Variants in ELK3 observed in about 807,000 individuals in gnomAD.
The protein encoded by ELK3 is ETS transcription factor ELK3, also known as ETS domain-containing protein Elk-3.
Under a neutral mutation model 28.9 loss-of-function variants are expected in ELK3, and 10 were observed. The ratio of observed to expected loss-of-function variants is 0.35; its 90% CI spans 0.21 to 0.59. The LOEUF (loss-of-function observed/expected upper bound fraction) is 0.59. Among genes scored for constraint, ELK3 ranks in the 20% least tolerant of loss-of-function variants. The probability of loss-of-function intolerance (pLI) is 0.82; values close to 1 mark genes in which losing one functional copy is unlikely to be tolerated. For missense variants in ELK3, 463 were observed against 517.3 expected (o/e 0.90, Z 1.02); for synonymous variants, 272 against 243.5 (o/e 1.12, Z -1.09).
chr12:96,238,755 CG>C (rs1951800303), intron 2 of ELK3, among the ~76,000 whole-genome samples: 1 of 152,156 alleles, frequency 6.6e-6, no homozygotes, highest in African/African-American at 2.4e-5. Flanking sequence ...ATGGACCTTA[CG>C]GAAGATTGGT....
chr12:96,211,617 T>A (rs1951580429), intron 1 of ELK3, among the ~76,000 whole-genome samples: 1 of 152,128 alleles, frequency 6.6e-6, no homozygotes, highest in Non-Finnish European at 1.5e-5. Flanking sequence ...AATAATTTCT[T>A]ACAGTTCAAC....
At chr12:96,238,901 C>T (rs148936373) in intron 2 of ELK3, among the ~76,000 whole-genome samples, 5 of 152,276 alleles carry the variant, frequency 3.3e-5, no homozygotes, top group Non-Finnish European at 5.9e-5. Flanking sequence ...TTGGCCCTGT[C>T]GGATTTACTT....
intron 1 of ELK3, among the ~76,000 whole-genome samples, chr12:96,205,842 A>G (rs1351791920): frequency 6.6e-6 from 1 of 152,258 alleles, no homozygotes; most frequent in Non-Finnish European, 1.5e-5. Flanking sequence ...CAGAAGAGCC[A>G]GTCAGCCACT....
chr12:96,220,836 A>G (rs1260192602), intron 1 of ELK3, among the ~76,000 whole-genome samples: 1 of 152,148 alleles, frequency 6.6e-6, no homozygotes, highest in East Asian at 1.9e-4. Flanking sequence ...TTGCCCCAAG[A>G]TCACTGGCTT....
intron 1 of ELK3, among the ~76,000 whole-genome samples, chr12:96,205,907 C>T (rs764501362): frequency 4.6e-5 from 7 of 152,190 alleles, no homozygotes; most frequent in Admixed American, 1.3e-4. Context: ...CATTAATTCT[C>T]GATGCTGGAT....
chr12:96,248,638 G>C (rs1284099641), intron 3 of ELK3, among the ~76,000 whole-genome samples: 2 of 152,180 alleles, frequency 1.3e-5, no homozygotes, highest in Non-Finnish European at 2.9e-5. Flanking sequence ...GACAGGCTTT[G>C]TGAGCTGGGG....
At chr12:96,231,620 G>A (rs1448507719) in intron 2 of ELK3, among the ~76,000 whole-genome samples, 2 of 152,184 alleles carry the variant, frequency 1.3e-5, no homozygotes, top group Admixed American at 6.5e-5. Context: ...AGCCTCCCGA[G>A]TAGCTGGGAT....
intron 2 of ELK3, among the ~76,000 whole-genome samples, chr12:96,230,566 G>A (rs1055178220): frequency 1.3e-5 from 2 of 152,158 alleles, no homozygotes; most frequent in Non-Finnish European, 2.9e-5. Flanking sequence ...AAGACACATC[G>A]CTGAGCCAAG....
In ELK3 at chr12:96,268,680, A is replaced by G. The variant is rs1202207899; in HGVS notation, c.*1500A>G. On this transcript the variant is annotated 3_prime_UTR_variant, in exon 5 of 5. Coordinates refer to ENST00000228741, the MANE Select transcript of ELK3 (RefSeq NM_005230.4). ...AATAACTGATCCAAACTGGGCATTA[A>G]GTGGCAGGATTATGAGAAAGGATAA... is the stretch of plus-strand genomic sequence containing the variant. 6.6e-6 allele frequency: 1 copy of G among 152,232 alleles called. No individual in the cohort carries two copies. The highest frequency in any genetic ancestry group is 2.4e-5 in the African/African-American group (1 of 41,462). The allele number at this position is 152,232 out of a possible 1,614,324, so 9.4% of individuals were successfully genotyped here.
At chr12:96,264,687 A>G (rs1952016970) in intron 4 of ELK3, among the ~76,000 whole-genome samples, 1 of 152,176 alleles carries the variant, frequency 6.6e-6, no homozygotes, top group Admixed American at 6.5e-5. Flanking sequence ...AGGGAGGCTG[A>G]GGTGGCAGCA....
In ELK3 at chr12:96,269,456, A is replaced by G. The variant is rs1188596051; in HGVS notation, c.*2276A>G. On this transcript the variant is annotated 3_prime_UTR_variant, in exon 5 of 5. Transcript: ENST00000228741. ...ATTAATGTATGCTCTAGATCCATTTATTAGAAATGCAAAAATACTACAATT... is the reference window on the plus strand; with the variant it reads ...ATTAATGTATGCTCTAGATCCATTTGTTAGAAATGCAAAAATACTACAATT... The G allele has an allele frequency of 2.0e-5, 3 of 152,190 alleles. No individual in the cohort carries two copies. The highest frequency in any genetic ancestry group is 2.9e-5 in the Non-Finnish European group (2 of 68,032). The allele number at this position is 152,190 out of a possible 1,614,324, so 9.4% of individuals were successfully genotyped here.
intron 2 of ELK3, among the ~76,000 whole-genome samples, chr12:96,244,287 C>T (rs947893948): frequency 3.3e-5 from 5 of 152,090 alleles, no homozygotes; most frequent in South Asian, 4.1e-4. Flanking sequence ...CACAGCAAGG[C>T]CATATGATCT....
At chr12:96,251,669 T>C (rs889017488) in intron 3 of ELK3, among the ~76,000 whole-genome samples, 23 of 152,218 alleles carry the variant, frequency 1.5e-4, no homozygotes, top group African/African-American at 5.1e-4. Context: ...GAGAAAGTTT[T>C]AGTGGTCTGG....
In ELK3 at chr12:96,195,712, G is replaced by A. The variant is rs573162180; in HGVS notation, c.-3+1007G>A. On this transcript the variant is annotated intron_variant, in intron 1 of 4. Coordinates refer to ENST00000228741, the MANE Select transcript of ELK3 (RefSeq NM_005230.4). ...TTTCTGGCTTGTCTGGAAACGGCAAGACTAATTGCCATGCGCTTCCGCTTT... is the reference window on the plus strand; with the variant it reads ...TTTCTGGCTTGTCTGGAAACGGCAAAACTAATTGCCATGCGCTTCCGCTTT... Among the ~76,000 whole-genome samples, 23 of 152,280 alleles carry A rather than the reference G, an allele frequency of 1.5e-4. No homozygotes were observed. The South Asian group carries it at 4.8e-3, about 32-fold the overall frequency.
At chr12:96,267,001 G>C in intron 4 of ELK3, 81 bp from the exon 5 acceptor site, 1 of 1,173,128 alleles carries the variant, frequency 8.5e-7, no homozygotes, top group South Asian at 1.5e-5. Context: ...GACTGCTATG[G>C]ACTGTATGGG....
intron 2 of ELK3, among the ~76,000 whole-genome samples, chr12:96,235,512 C>G (rs562098640): frequency 6.6e-6 from 1 of 152,276 alleles, no homozygotes; most frequent in African/African-American, 2.4e-5. Context: ...CTCCATGGCA[C>G]AGAAGGGAGT....
chr12:96,210,595 A>ACCCCCC (rs112788515), intron 1 of ELK3, among the ~76,000 whole-genome samples: 2 of 150,208 alleles, frequency 1.3e-5, no homozygotes, highest in African/African-American at 4.9e-5. Context: ...ACACACACAC[A>ACCCCCC]CACCCCGAGT....
intron 1 of ELK3, among the ~76,000 whole-genome samples, chr12:96,209,659 T>C (rs1169024928): frequency 2.0e-5 from 3 of 152,244 alleles, no homozygotes; most frequent in Non-Finnish European, 4.4e-5. Context: ...TTTTCTTACA[T>C]TGACAACCAT....
intron 2 of ELK3, among the ~76,000 whole-genome samples, chr12:96,237,470 C>T (rs529598406): frequency 6.6e-6 from 1 of 152,198 alleles, no homozygotes; most frequent in Non-Finnish European, 1.5e-5. Context: ...CTCACTGTCC[C>T]CTCTGCTTCA....
Sources: allele counts gnomAD v4.1 joint callset (sites outside exome capture counted in the v4.1 genomes callset), GRCh38; gene constraint gnomAD v4.1.1; transcripts MANE v1.5; gene names NCBI Gene and HGNC (gene_info 2026-07-23, HGNC 2026-07-21).